Variants in PRKCB observed in about 807,000 individuals in gnomAD.
The protein encoded by PRKCB is protein kinase C beta, also known as protein kinase C beta type.
A neutral mutation model predicts 81.5 loss-of-function variants in PRKCB; 13 were observed. The observed-to-expected ratio is 0.16, with a 90% CI of 0.10 to 0.25. PRKCB has a LOEUF of 0.25. Ranked by LOEUF, PRKCB falls within the 10% of genes least tolerant of loss-of-function variation. PRKCB has a pLI of 1.00. For synonymous variants in PRKCB, 335 were observed against 321.4 expected (o/e 1.04, Z -0.45); for missense variants, 509 against 875.7 (o/e 0.58, Z 5.29).
chr16:23,837,156 C>G, intron 1 of PRKCB: 1 of 638,408 alleles, frequency 1.6e-6, no homozygotes, highest in South Asian at 1.7e-5. Flanking sequence ...ACCTGGTGGT[C>G]GCAGCCTCCT....
At chr16:24,096,664 A>ATATATATATAT (rs1260873156) in intron 7 of PRKCB, among the ~76,000 whole-genome samples, 127 of 85,044 alleles carry the variant, frequency 1.5e-3, no homozygotes, top group South Asian at 2.2e-3. Flanking sequence ...AAAAAAAAAA[A>ATATATATATAT]AAATATATAT....
At chr16:24,047,218 T>G (rs11640362) in intron 5 of PRKCB, among the ~76,000 whole-genome samples, 25,101 of 151,918 alleles carry the variant, frequency 0.17, 2,376 homozygotes, top group African/African-American at 0.26. Context: ...GGTGCGTGTC[T>G]GCAGTCCCAA....
intron 2 of PRKCB, among the ~76,000 whole-genome samples, chr16:23,961,254 C>A (rs370271292): frequency 5.3e-5 from 8 of 152,150 alleles, no homozygotes; most frequent in African/African-American, 1.9e-4. Flanking sequence ...CTCCAGTATC[C>A]CAGTATTTTA....
chr16:24,065,486 T>C (rs1966022185), intron 5 of PRKCB, among the ~76,000 whole-genome samples: 1 of 152,202 alleles, frequency 6.6e-6, no homozygotes, highest in South Asian at 2.1e-4. Context: ...ATTTTAGTCC[T>C]GTTTACCCCA....
chr16:23,885,799 G>T, intron 2 of PRKCB, among the ~76,000 whole-genome samples: 1 of 152,150 alleles, frequency 6.6e-6, no homozygotes, highest in East Asian at 1.9e-4. Flanking sequence ...GGAAGCTGGC[G>T]GGGAAATATT....
At position 24,215,410 on chromosome 16, in the gene PRKCB, G is replaced by T; in HGVS notation, c.*594G>T. The T allele has an allele frequency of 1.0e-6, 1 of 985,978 alleles. No individual in the cohort carries two copies. Among genetic ancestry groups the T allele is most frequent in the Non-Finnish European group, 1.2e-6 (1 of 830,084 alleles). 61.1% of individuals were successfully genotyped at this position (985,978 alleles called of 1,614,324 possible). The stretch of plus-strand genomic sequence containing the variant: ...GCTTTTAGACGGTCTCAATCTAAAA[G>T]CACTTCAAGGGGTCAAAGGGCAACC... On this transcript the variant is annotated 3_prime_UTR_variant, in exon 17 of 17. Coordinates refer to ENST00000643927, the MANE Select transcript of PRKCB (RefSeq NM_002738.7).
intron 5 of PRKCB, among the ~76,000 whole-genome samples, chr16:24,090,020 G>A (rs1020404956): frequency 1.3e-5 from 2 of 152,038 alleles, no homozygotes; most frequent in African/African-American, 4.8e-5. Flanking sequence ...GGTAAGATGC[G>A]GACCCTGGGA....
intron 7 of PRKCB, among the ~76,000 whole-genome samples, chr16:24,105,504 G>A (rs1416283387): frequency 6.6e-6 from 1 of 152,110 alleles, no homozygotes; most frequent in African/African-American, 2.4e-5. Context: ...CATGCATTAG[G>A]TATTTGTCTT....
intron 2 of PRKCB, among the ~76,000 whole-genome samples, chr16:23,926,280 T>C (rs1056120508): frequency 6.6e-6 from 1 of 150,708 alleles, no homozygotes; most frequent in African/African-American, 2.4e-5. Context: ...TAGTCAGGAC[T>C]TCAAGACCAG....
Position 24,217,720 on chromosome 16 carries a change from C to T in PRKCB, c.*2904C>T. The T allele has an allele frequency of 3.0e-6, 3 of 985,406 alleles. No homozygotes were observed. The highest frequency in any genetic ancestry group is 3.6e-6 in the Non-Finnish European group (3 of 829,972). The allele number at this position is 985,406 out of a possible 1,614,324, so 61.0% of individuals were successfully genotyped here. The stretch of plus-strand genomic sequence containing the variant: ...TCAGAAGGGAATCTTTGATAAGAGG[C>T]CCACAGGCAGGGAAAGCGAAATAGG... On this transcript the variant is annotated 3_prime_UTR_variant, in exon 17 of 17. Transcript: ENST00000643927.
chr16:23,849,003 A>G (rs953071322), intron 2 of PRKCB, among the ~76,000 whole-genome samples: 1 of 152,196 alleles, frequency 6.6e-6, no homozygotes, highest in African/African-American at 2.4e-5. Flanking sequence ...CGTGGTCAAT[A>G]GCATTAGCTG....
intron 5 of PRKCB, among the ~76,000 whole-genome samples, chr16:24,079,166 A>G (rs1338536428): frequency 1.3e-5 from 2 of 152,136 alleles, no homozygotes; most frequent in African/African-American, 2.4e-5. Context: ...GGTACTTTGT[A>G]CACCTATCCC....
chr16:24,082,295 T>A (rs1966259717), intron 5 of PRKCB, among the ~76,000 whole-genome samples: 1 of 152,216 alleles, frequency 6.6e-6, no homozygotes, highest in African/African-American at 2.4e-5. Context: ...TACGATTGAT[T>A]TGTAGGCTTA....
At chr16:23,893,110 C>T (rs936507286) in intron 2 of PRKCB, 6 of 152,098 alleles carry the variant, frequency 3.9e-5, no homozygotes, top group African/African-American at 1.4e-4. Flanking sequence ...CTCTCCAGTC[C>T]ACTACCTGAA....
At chr16:24,110,116 AGGGAG>A (rs1567377935) in intron 7 of PRKCB, among the ~76,000 whole-genome samples, 84 of 85,634 alleles carry the variant, frequency 9.8e-4, no homozygotes, top group African/African-American at 5.0e-3. Context: ...CCGTGGGGAG[AGGGAG>A]AGGGAGAGGG....
intron 9 of PRKCB, chr16:24,151,853 G>C (rs898142814): frequency 2.2e-6 from 1 of 455,834 alleles, no homozygotes; most frequent in South Asian, 1.5e-5. Context: ...CTACGAAATG[G>C]GGGTAATTGA....
At chr16:24,006,268 A>G (rs2141834131) in intron 3 of PRKCB, among the ~76,000 whole-genome samples, 1 of 152,356 alleles carries the variant, frequency 6.6e-6, no homozygotes, top group Non-Finnish European at 1.5e-5. Flanking sequence ...TGGCCTCTCT[A>G]GCTCAGAGGT....
intron 2 of PRKCB, among the ~76,000 whole-genome samples, chr16:23,898,645 G>T (rs796080359): frequency 1.3e-4 from 20 of 152,286 alleles, no homozygotes; most frequent in African/African-American, 4.8e-4. Context: ...CAAAAACTAG[G>T]TGAAGATTGG....
rs28479717 is a variant in PRKCB at position 24,067,961 on chromosome 16, A to G, written c.530-24830A>G. On this transcript the variant is annotated intron_variant, in intron 5 of 16. Transcript: ENST00000643927. The stretch of plus-strand genomic sequence containing the variant: ...CGTCTCAAAAAAAAAAAAAAAAAAG[A>G]GAGAGAGAGAGAGCTGAGGAAGAGG... 1.4e-3 allele frequency among the ~76,000 whole-genome samples: 193 copies of G among 138,272 alleles called. 1 individual carries two copies. Among genetic ancestry groups the G allele is most frequent in the African/African-American group, 5.4e-3 (186 of 34,592 alleles). The allele number at this position is 138,272 out of a possible 152,430, so 90.7% of individuals were successfully genotyped here. A position where few individuals can be genotyped will look rare whatever the true frequency, so the allele number is the denominator to read the frequency against.
Sources: gnomAD v4.1 joint callset for allele counts (sites outside exome capture counted in the v4.1 genomes callset) on GRCh38, gnomAD v4.1.1 for gene constraint, MANE v1.5 for transcripts, NCBI Gene and HGNC (gene_info 2026-07-23, HGNC 2026-07-21) for gene names.